The following TCF7L2 variants were observed in gnomAD, a reference collection of about 807,000 sequenced individuals.
The protein encoded by TCF7L2 is transcription factor 7-like 2.
TCF7L2 carries 23 observed loss-of-function variants against 77.9 expected under a neutral mutation model. That is an observed-to-expected ratio of 0.30 (90% CI 0.21 to 0.42). The LOEUF is 0.42. Ranked by LOEUF, TCF7L2 falls within the 10% of genes least tolerant of loss-of-function variation. TCF7L2 has a pLI of 1.00. For synonymous variants in TCF7L2, 413 were observed against 340.2 expected, an observed-to-expected ratio of 1.21 and a Z score of -2.36; for missense variants, 654 against 793.1, an observed-to-expected ratio of 0.82 and a Z score of 2.11.
At chr10:113,089,563 G>A (rs146007799) in intron 5 of TCF7L2, 16 of 1,611,686 alleles carry the variant, frequency 9.9e-6, no homozygotes, top group South Asian at 2.2e-5. Context: ...GCAGAATCAC[G>A]GTATGAGATG....
intron 5 of TCF7L2, among the ~76,000 whole-genome samples, chr10:113,087,290 T>C (rs1046704597): frequency 6.6e-6 from 1 of 152,194 alleles, no homozygotes; most frequent in African/African-American, 2.4e-5. Context: ...GTGGCAACCA[T>C]GGATACATTT....
chr10:113,161,292 C>CAGTG, intron 13 of TCF7L2: 1 of 464,360 alleles, frequency 2.2e-6, no homozygotes, highest in Non-Finnish European at 3.9e-6. Flanking sequence ...GGGCTGCAAG[C>CAGTG]AGTGAGTCAT....
chr10:113,028,785 A>C (rs917727110), intron 4 of TCF7L2, among the ~76,000 whole-genome samples: 5 of 152,220 alleles, frequency 3.3e-5, no homozygotes, highest in Non-Finnish European at 5.9e-5. Flanking sequence ...CCAGCCATGG[A>C]GAAAGAAAGG....
chr10:113,081,987 G>A (rs971729155), intron 5 of TCF7L2, among the ~76,000 whole-genome samples: 1 of 152,130 alleles, frequency 6.6e-6, no homozygotes, highest in Non-Finnish European at 1.5e-5. Flanking sequence ...ACAGGTGCCT[G>A]CCACCACGTC....
intron 5 of TCF7L2, among the ~76,000 whole-genome samples, chr10:113,104,421 T>C (rs940088826): frequency 6.6e-6 from 1 of 152,194 alleles, no homozygotes; most frequent in Non-Finnish European, 1.5e-5. Context: ...CTGAATTTAA[T>C]AGATGTCATC....
At chr10:112,971,871 C>G (rs2038332869) in intron 4 of TCF7L2, among the ~76,000 whole-genome samples, 1 of 152,080 alleles carries the variant, frequency 6.6e-6, no homozygotes, top group Non-Finnish European at 1.5e-5. Flanking sequence ...CTTTGGCCTC[C>G]CAAAGTGCTG....
chr10:112,983,364 C>T (rs1432224062), intron 4 of TCF7L2, among the ~76,000 whole-genome samples: 2 of 151,744 alleles, frequency 1.3e-5, no homozygotes, highest in African/African-American at 2.4e-5. Context: ...CCAGCTACTC[C>T]GGAGGCTGAG....
intron 5 of TCF7L2, among the ~76,000 whole-genome samples, chr10:113,044,550 G>A (rs535771341): frequency 6.6e-6 from 1 of 152,318 alleles, no homozygotes; most frequent in African/African-American, 2.4e-5. Flanking sequence ...CCCTACCTCT[G>A]TGGGAGGCCC....
chr10:112,991,300 C>T (rs1031897314), intron 4 of TCF7L2, among the ~76,000 whole-genome samples: 3 of 151,820 alleles, frequency 2.0e-5, no homozygotes, highest in Non-Finnish European at 4.4e-5. Context: ...GAGGCTGAGG[C>T]GGGCGGATCA....
intron 4 of TCF7L2, among the ~76,000 whole-genome samples, chr10:113,021,680 A>G (rs1038244557): frequency 6.6e-6 from 1 of 152,248 alleles, no homozygotes; most frequent in Non-Finnish European, 1.5e-5. Context: ...CTGGGATTCA[A>G]ACACCAGAAT....
At chr10:113,087,964 A>G (rs3814572) in intron 5 of TCF7L2, among the ~76,000 whole-genome samples, 16,724 of 152,146 alleles carry the variant, frequency 0.11, 1,154 homozygotes, top group Non-Finnish European at 0.16. Flanking sequence ...TATTTTCCAG[A>G]GTCTTGCATA....
intron 4 of TCF7L2, among the ~76,000 whole-genome samples, chr10:113,006,020 G>A (rs2045489148): frequency 6.6e-6 from 1 of 151,938 alleles, no homozygotes; most frequent in African/African-American, 2.4e-5. Flanking sequence ...AGGAGGGGAG[G>A]AGAGAAAAAC....
intron 4 of TCF7L2, among the ~76,000 whole-genome samples, chr10:113,038,134 G>GA (rs2051685780): frequency 1.3e-5 from 2 of 151,906 alleles, no homozygotes; most frequent in African/African-American, 4.8e-5. Context: ...GATAACCAAG[G>GA]GGGTTCCTGT....
intron 4 of TCF7L2, among the ~76,000 whole-genome samples, chr10:112,968,505 G>A (rs2037505439): frequency 6.6e-6 from 1 of 152,130 alleles, no homozygotes; most frequent in Admixed American, 6.5e-5. Context: ...GACTGTTTAT[G>A]TTATCGGTCA....
intron 5 of TCF7L2, among the ~76,000 whole-genome samples, chr10:113,072,771 G>A (rs1000972309): frequency 1.3e-5 from 2 of 152,148 alleles, no homozygotes; most frequent in Non-Finnish European, 2.9e-5. Flanking sequence ...CAGGTGACTC[G>A]GGCTGTTGTG....
chr10:113,016,788 G>A (rs2047407604), intron 4 of TCF7L2, among the ~76,000 whole-genome samples: 1 of 151,920 alleles, frequency 6.6e-6, no homozygotes, highest in Non-Finnish European at 1.5e-5. Flanking sequence ...AGCATGATGG[G>A]CACCTGCACC....
At chr10:112,978,613 C>T (rs534295477) in intron 4 of TCF7L2, among the ~76,000 whole-genome samples, 10 of 150,828 alleles carry the variant, frequency 6.6e-5, no homozygotes, top group Non-Finnish European at 1.3e-4. Flanking sequence ...ACTACAGGCA[C>T]CTGCCACCAC....
intron 13 of TCF7L2, among the ~76,000 whole-genome samples, chr10:113,165,061 ACACT>A (rs1342833088): frequency 6.6e-6 from 1 of 152,036 alleles, no homozygotes; most frequent in Non-Finnish European, 1.5e-5. Flanking sequence ...ACACACACTC[ACACT>A]CACACACTCA....
At chr10:112,986,125 T>A (rs2041483632) in intron 4 of TCF7L2, among the ~76,000 whole-genome samples, 1 of 152,006 alleles carries the variant, frequency 6.6e-6, no homozygotes, top group Admixed American at 6.5e-5. Flanking sequence ...TTCTTGGTGG[T>A]TATGTGGGTA....
Sources: gnomAD v4.1 joint callset for allele counts (sites outside exome capture counted in the v4.1 genomes callset) on GRCh38, gnomAD v4.1.1 for gene constraint, MANE v1.5 for transcripts, NCBI Gene and HGNC (gene_info 2026-07-23, HGNC 2026-07-21) for gene names.